Variants in MYO9A observed in about 807,000 individuals in gnomAD.
The protein encoded by MYO9A is unconventional myosin-IXa.
MYO9A carries 103 observed loss-of-function variants against 293.3 expected under a neutral mutation model. The observed-to-expected ratio is 0.35, with a 90% CI of 0.30 to 0.41. MYO9A has a LOEUF of 0.41. MYO9A is among the 10% of genes least tolerant of loss of function. The pLI is 1.00. For missense variants in MYO9A, 2,685 were observed against 3,033.0 expected (o/e 0.89, Z 2.69); for synonymous variants, 1,001 against 1,035.7 (o/e 0.97, Z 0.64).
chr15:71,947,486 AT>A (rs987283470), intron 15 of MYO9A, among the ~76,000 whole-genome samples: 15 of 152,272 alleles, frequency 9.9e-5, no homozygotes, highest in South Asian at 2.1e-4. Context: ...TGTTGTTTCC[AT>A]CATCTTTCAG....
At chr15:71,902,087 T>C (rs1239075778) in intron 22 of MYO9A, among the ~76,000 whole-genome samples, 2 of 152,088 alleles carry the variant, frequency 1.3e-5, no homozygotes, top group African/African-American at 2.4e-5. Flanking sequence ...GTAGATATTA[T>C]ATACCCGAAG....
At chr15:72,056,546 T>A (rs2078723890) in intron 1 of MYO9A, among the ~76,000 whole-genome samples, 1 of 152,224 alleles carries the variant, frequency 6.6e-6, no homozygotes, top group Non-Finnish European at 1.5e-5. Context: ...CTATGAGGAT[T>A]CAAAGGTGTA....
intron 40 of MYO9A, among the ~76,000 whole-genome samples, chr15:71,828,831 A>G (rs1283326031): frequency 2.0e-5 from 3 of 152,138 alleles, no homozygotes; most frequent in Non-Finnish European, 2.9e-5. Context: ...ACTTTCTCCA[A>G]TGCACAGATC....
intron 39 of MYO9A, among the ~76,000 whole-genome samples, chr15:71,833,661 A>G (rs1189371515): frequency 6.6e-6 from 1 of 152,142 alleles, no homozygotes; most frequent in African/African-American, 2.4e-5. Flanking sequence ...CAAGACAACA[A>G]AATTCCAAGG....
At chr15:72,101,640 T>TG (rs555875550) in intron 1 of MYO9A, among the ~76,000 whole-genome samples, 1,811 of 89,094 alleles carry the variant, frequency 0.02, 92 homozygotes, top group Admixed American at 0.059. Flanking sequence ...AGGAGGGAGG[T>TG]GGGGGGGTCA....
At chr15:71,884,927 G>T (rs75696552) in intron 27 of MYO9A, among the ~76,000 whole-genome samples, 2,182 of 149,560 alleles carry the variant, frequency 0.015, 58 homozygotes, top group African/African-American at 0.052. Context: ...AAGTCTATCT[G>T]GTTTTGAAGC....
chr15:72,086,971 G>C (rs1349396003), intron 1 of MYO9A, among the ~76,000 whole-genome samples: 6 of 152,060 alleles, frequency 3.9e-5, no homozygotes, highest in African/African-American at 1.4e-4. Context: ...TCTTCATGTT[G>C]GTCAGGTTGG....
At chr15:72,068,504 T>C (rs1470720614) in intron 1 of MYO9A, among the ~76,000 whole-genome samples, 1 of 152,070 alleles carries the variant, frequency 6.6e-6, no homozygotes, top group Non-Finnish European at 1.5e-5. Context: ...TTTTTTTCCT[T>C]TTTGGGACAG....
intron 6 of MYO9A, among the ~76,000 whole-genome samples, chr15:72,015,251 T>C (rs1404155854): frequency 6.6e-6 from 1 of 152,088 alleles, no homozygotes; most frequent in Non-Finnish European, 1.5e-5. Context: ...CAGAAAGACA[T>C]GTTTAAGGGC....
At chr15:72,094,134 C>G (rs1344081380) in intron 1 of MYO9A, among the ~76,000 whole-genome samples, 1 of 89,388 alleles carries the variant, frequency 1.1e-5, no homozygotes, top group African/African-American at 2.6e-5. Context: ...CACTTCAGCC[C>G]AGGAGTTCAA....
At chr15:72,113,042 G>A (rs1210018552) in intron 1 of MYO9A, among the ~76,000 whole-genome samples, 1 of 152,184 alleles carries the variant, frequency 6.6e-6, no homozygotes, top group Non-Finnish European at 1.5e-5. Context: ...ACCAGCCTGG[G>A]CAACACAGTG....
intron 16 of MYO9A, among the ~76,000 whole-genome samples, chr15:71,935,903 TACACACACACAC>T (rs66924608): frequency 8.8e-5 from 13 of 148,106 alleles, no homozygotes; most frequent in African/African-American, 3.0e-4. Flanking sequence ...AGGTCTTATT[TACACACACACAC>T]ACACACACAC....
rs1555490832 is a variant in MYO9A at position 71,956,330 on chromosome 15, A to AATATATATAT, written c.2182+3561_2182+3570dup. 1.7e-3 allele frequency among the ~76,000 whole-genome samples: 131 copies of AATATATATAT among 75,540 alleles called. 1 individual carries two copies. The highest frequency in any genetic ancestry group is 4.9e-3 in the South Asian group (10 of 2,046). 49.6% of individuals were successfully genotyped at this position (75,540 alleles called of 152,430 possible). On this transcript the variant is annotated intron_variant, in intron 14 of 41. Transcript: ENST00000356056. ...GCTCTTAAAAAAAAAAAAAAAAAAA[A>AATATATATAT]ATATATATATATATATATATAAAAT...
chr15:71,998,367 C>T (rs969283218), intron 9 of MYO9A, among the ~76,000 whole-genome samples: 5 of 151,890 alleles, frequency 3.3e-5, no homozygotes, highest in South Asian at 4.1e-4. Flanking sequence ...ACCTGGGTGA[C>T]GAAATAATCT....
rs555309900 is a variant in MYO9A at position 72,027,690 on chromosome 15, A to G, written c.998+41T>C. 120 of 1,486,784 alleles carry G rather than the reference A, an allele frequency of 8.1e-5. 2 individuals are homozygous for G. The South Asian group carries it at 1.3e-3, about 16-fold the overall frequency. The allele number at this position is 1,486,784 out of a possible 1,614,324, so 92.1% of individuals were successfully genotyped here. A position where few individuals can be genotyped will look rare whatever the true frequency, so the allele number is the denominator to read the frequency against. On this transcript the variant is annotated intron_variant, in intron 4 of 41. Transcript: ENST00000356056. Reference sequence around the variant, plus strand: ...CCTTAAAAGTCAGTCTGCGTGATACAAATGTTAACTTCATCTAATTACACA... The same window carrying G: ...CCTTAAAAGTCAGTCTGCGTGATACGAATGTTAACTTCATCTAATTACACA...
intron 19 of MYO9A, among the ~76,000 whole-genome samples, chr15:71,912,457 T>C (rs1254674151): frequency 6.6e-6 from 1 of 152,204 alleles, no homozygotes; most frequent in African/African-American, 2.4e-5. Flanking sequence ...GGATTCACCA[T>C]GTTGGCCAGG....
At chr15:71,891,669 T>G (rs1459950097) in intron 26 of MYO9A, 1 of 152,232 alleles carries the variant, frequency 6.6e-6, no homozygotes, top group South Asian at 2.1e-4. Context: ...TGTTTCCAAT[T>G]TCTATAATCC....
At chr15:71,907,982 C>T (rs1337803053) in intron 19 of MYO9A, among the ~76,000 whole-genome samples, 1 of 152,100 alleles carries the variant, frequency 6.6e-6, no homozygotes, top group African/African-American at 2.4e-5. Flanking sequence ...GCTTTTGTTG[C>T]CATTGCTTTT....
At chr15:71,956,765 T>C (rs902028115) in intron 14 of MYO9A, among the ~76,000 whole-genome samples, 1 of 150,480 alleles carries the variant, frequency 6.6e-6, no homozygotes, top group African/African-American at 2.4e-5. Context: ...CATATATTCA[T>C]ATATGTAGCA....
Sources: gnomAD v4.1 joint callset for allele counts (sites outside exome capture counted in the v4.1 genomes callset) on GRCh38, gnomAD v4.1.1 for gene constraint, MANE v1.5 for transcripts, NCBI Gene and HGNC (gene_info 2026-07-23, HGNC 2026-07-21) for gene names.